The following FHIT variants were observed in gnomAD, a reference collection of about 807,000 sequenced individuals.
The protein encoded by FHIT is fragile histidine triad diadenosine triphosphatase.
Under a neutral mutation model 17.9 loss-of-function variants are expected in FHIT, and 19 were observed. The ratio of observed to expected loss-of-function variants is 1.06; its 90% CI spans 0.74 to 1.56. The LOEUF (loss-of-function observed/expected upper bound fraction) is 1.56. Among genes scored for constraint, FHIT ranks in the 40% most tolerant of loss-of-function variants. The pLI, the probability that FHIT is intolerant of heterozygous loss-of-function variation, is 0.00. For synonymous variants in FHIT, 81 were observed against 69.7 expected (o/e 1.16, Z -0.81); for missense variants, 248 against 189.2 (o/e 1.31, Z -1.82).
intron 3 of FHIT, among the ~76,000 whole-genome samples, chr3:60,838,140 T>C (rs1264317330): frequency 3.9e-5 from 6 of 152,182 alleles, no homozygotes; most frequent in African/African-American, 9.7e-5. Flanking sequence ...CACCGTGTCA[T>C]CCAGGCTGGA....
intron 8 of FHIT, among the ~76,000 whole-genome samples, chr3:59,862,659 G>C (rs1399464573): frequency 6.6e-6 from 1 of 152,184 alleles, no homozygotes; most frequent in Non-Finnish European, 1.5e-5. Flanking sequence ...CTGAAGACAA[G>C]ACTTTGAAGG....
At chr3:60,330,287 G>C (rs1709902667) in intron 5 of FHIT, among the ~76,000 whole-genome samples, 4 of 152,148 alleles carry the variant, frequency 2.6e-5, no homozygotes, top group Non-Finnish European at 5.9e-5. Flanking sequence ...ACCCTTCATG[G>C]ATCTCTCTCA....
chr3:60,521,704 C>G (rs141908708), intron 5 of FHIT, among the ~76,000 whole-genome samples: 2 of 152,196 alleles, frequency 1.3e-5, no homozygotes, highest in South Asian at 2.1e-4. Flanking sequence ...ATGAGCAAAT[C>G]AAACAAAAAA....
At chr3:60,392,705 C>G (rs1701280369) in intron 5 of FHIT, among the ~76,000 whole-genome samples, 1 of 152,114 alleles carries the variant, frequency 6.6e-6, no homozygotes, top group African/African-American at 2.4e-5. Flanking sequence ...AGAATTATAA[C>G]AGGAGATGGA....
At chr3:60,548,290 A>G (rs894245758) in intron 4 of FHIT, among the ~76,000 whole-genome samples, 2 of 152,210 alleles carry the variant, frequency 1.3e-5, no homozygotes, top group Non-Finnish European at 2.9e-5. Flanking sequence ...CCTTTGCACT[A>G]AAGCCACATA....
chr3:59,771,008 G>A lies in FHIT; in HGVS notation c.349-18687C>T, dbSNP rs1456890315. Among the ~76,000 whole-genome samples the A allele has an allele frequency of 5.3e-5, 8 of 152,294 alleles. No homozygotes were observed. In the East Asian group the frequency reaches 7.7e-4, roughly 15 times the overall value. On this transcript the variant is annotated intron_variant, in intron 8 of 9. Transcript: ENST00000492590. ...GTGCCTGTTTTCACATTTGCACATCGCCTCTTTTATTTAACACGTAAAATG... is the reference window on the plus strand; with the variant it reads ...GTGCCTGTTTTCACATTTGCACATCACCTCTTTTATTTAACACGTAAAATG...
intron 8 of FHIT, among the ~76,000 whole-genome samples, chr3:59,889,500 C>G (rs1358240254): frequency 1.3e-5 from 2 of 152,198 alleles, no homozygotes; most frequent in African/African-American, 4.8e-5. Flanking sequence ...AGACCCTTAG[C>G]ATGGTCTCTG....
intron 2 of FHIT, among the ~76,000 whole-genome samples, chr3:61,051,612 G>A (rs941683242): frequency 3.9e-5 from 6 of 152,126 alleles, no homozygotes; most frequent in South Asian, 2.1e-4. Flanking sequence ...TAGAAGCTAC[G>A]GCAACTACCA....
At chr3:60,452,861 T>C (rs78642504) in intron 5 of FHIT, among the ~76,000 whole-genome samples, 1,797 of 152,294 alleles carry the variant, frequency 0.012, 27 homozygotes, top group Non-Finnish European at 0.016. Context: ...ACAAGGTACA[T>C]TGAAAGTATG....
chr3:59,760,635 A>G (rs1004173112), intron 8 of FHIT, among the ~76,000 whole-genome samples: 10 of 152,136 alleles, frequency 6.6e-5, no homozygotes, highest in African/African-American at 2.4e-4. Flanking sequence ...TGTTAGGAGC[A>G]TCTCAGCAAA....
At chr3:60,014,502 G>A (rs746071770) in intron 5 of FHIT, among the ~76,000 whole-genome samples, 3 of 152,168 alleles carry the variant, frequency 2.0e-5, no homozygotes, top group South Asian at 2.1e-4. Flanking sequence ...AGCTGTGTCC[G>A]CTTCAGCAGC....
chr3:59,781,694 A>C (rs989608031), intron 8 of FHIT, among the ~76,000 whole-genome samples: 2 of 152,376 alleles, frequency 1.3e-5, no homozygotes, highest in East Asian at 1.9e-4. Context: ...GTGCAACATT[A>C]ATTACCAATG....
At chr3:59,852,213 G>A (rs1465537802) in intron 8 of FHIT, among the ~76,000 whole-genome samples, 1 of 152,030 alleles carries the variant, frequency 6.6e-6, no homozygotes, top group Non-Finnish European at 1.5e-5. Context: ...ACTCTTGGGT[G>A]GTGCTTTGTT....
At chr3:59,986,522 T>C (rs796864278) in intron 7 of FHIT, among the ~76,000 whole-genome samples, 793 of 4,084 alleles carry the variant, frequency 0.19, 1 homozygote, top group Middle Eastern at 0.5. Flanking sequence ...TATATATATA[T>C]ATATATATAT....
At chr3:59,798,136 C>T (rs1394049141) in intron 8 of FHIT, among the ~76,000 whole-genome samples, 1 of 152,162 alleles carries the variant, frequency 6.6e-6, no homozygotes, top group Non-Finnish European at 1.5e-5. Context: ...AACCAAAAAC[C>T]TTCTTCATGT....
intron 5 of FHIT, among the ~76,000 whole-genome samples, chr3:60,040,446 T>C (rs1701391526): frequency 6.6e-6 from 1 of 152,114 alleles, no homozygotes; most frequent in African/African-American, 2.4e-5. Context: ...GCCTGGCCTT[T>C]CCTTCTTTCT....
chr3:60,143,988 C>T (rs745665481), intron 5 of FHIT, among the ~76,000 whole-genome samples: 1 of 152,146 alleles, frequency 6.6e-6, no homozygotes, highest in Non-Finnish European at 1.5e-5. Flanking sequence ...AAAGTAACAA[C>T]ACTAGGCATG....
chr3:61,231,328 C>A (rs1256515939), intron 1 of FHIT, among the ~76,000 whole-genome samples: 3 of 151,904 alleles, frequency 2.0e-5, no homozygotes, highest in East Asian at 1.9e-4. Context: ...CCCATTTCTA[C>A]AAAAAGTTTA....
intron 7 of FHIT, among the ~76,000 whole-genome samples, chr3:59,982,261 T>C (rs527748720): frequency 1.5e-5 from 2 of 130,054 alleles, no homozygotes; most frequent in South Asian, 2.5e-4. Flanking sequence ...AAGATGGTTG[T>C]TTAAGTGGAA....
Sources: gnomAD v4.1 joint callset for allele counts (sites outside exome capture counted in the v4.1 genomes callset) on GRCh38, gnomAD v4.1.1 for gene constraint, MANE v1.5 for transcripts, NCBI Gene and HGNC (gene_info 2026-07-23, HGNC 2026-07-21) for gene names.